KLRG1: variants seen among roughly 807,000 people sequenced by gnomAD.
KLRG1 encodes the protein killer cell lectin like receptor G1.
Under a neutral mutation model 21.8 loss-of-function variants are expected in KLRG1, and 16 were observed. The observed-to-expected ratio is 0.73, with a 90% confidence interval of 0.50 to 1.11. The LOEUF is 1.11. Among genes scored for constraint, KLRG1 ranks in the 50% most tolerant of loss-of-function variants. The pLI, the probability that KLRG1 is intolerant of heterozygous loss-of-function variation, is 0.00. For missense variants in KLRG1, 173 were observed against 218.3 expected (o/e 0.79, Z 1.31); for synonymous variants, 69 against 75.9 (o/e 0.91, Z 0.47).
At chr12:9,159,145 G>A in the KLRG1 span, among the ~76,000 whole-genome samples, 1 of 151,972 alleles carries the variant, frequency 6.6e-6, no homozygotes, top group African/African-American at 2.4e-5. Flanking sequence ...TTTTATTCTA[G>A]CATTTTTCTA....
the KLRG1 span, chr12:9,028,800 G>C: frequency 2.9e-4 from 180 of 618,288 alleles, 1 homozygote; most frequent in South Asian, 2.3e-3. Context: ...TGGGCACCTG[G>C]TCTTTGAGAA....
the KLRG1 span, among the ~76,000 whole-genome samples, chr12:9,075,445 A>G: frequency 2.6e-5 from 4 of 152,190 alleles, no homozygotes; most frequent in South Asian, 8.3e-4. Context: ...ATAGCAAAAC[A>G]TAAAAAAAAT....
chr12:9,027,841 C>T, the KLRG1 span: 1 of 1,022,348 alleles, frequency 9.8e-7, no homozygotes, highest in African/African-American at 1.6e-5. Flanking sequence ...TCTCCACTAC[C>T]AAAGTTGTCA....
chr12:8,955,924 C>G (rs1946284596), intron 1 of KLRG1, among the ~76,000 whole-genome samples: 1 of 152,016 alleles, frequency 6.6e-6, no homozygotes, highest in African/African-American at 2.4e-5. Context: ...TGCCTTTTAG[C>G]CAATCAAATG....
chr12:9,029,048 C>T, the KLRG1 span: 17 of 547,100 alleles, frequency 3.1e-5, no homozygotes, highest in East Asian at 6.6e-4. Context: ...TGAAGAGCTT[C>T]CTCCGCTGGT....
chr12:8,975,270 A>G (rs2137267464), intron 1 of KLRG1, among the ~76,000 whole-genome samples: 1 of 152,280 alleles, frequency 6.6e-6, no homozygotes, highest in Non-Finnish European at 1.5e-5. Context: ...TGTAAAATTC[A>G]TCCATGGAAC....
chr12:9,157,940 C>G, the KLRG1 span: 11 of 975,718 alleles, frequency 1.1e-5, no homozygotes, highest in Middle Eastern at 2.1e-4. Flanking sequence ...TGTTTCCATT[C>G]AAAGTATACC....
intron 1 of KLRG1, among the ~76,000 whole-genome samples, chr12:8,954,171 A>G (rs909801064): frequency 6.6e-6 from 1 of 152,204 alleles, no homozygotes; most frequent in East Asian, 1.9e-4. Context: ...GCTGAGTGAA[A>G]TAAGACACAC....
chr12:9,189,059 A>C, the KLRG1 span, among the ~76,000 whole-genome samples: 5 of 152,220 alleles, frequency 3.3e-5, no homozygotes, highest in Non-Finnish European at 5.9e-5. Flanking sequence ...TATCATGAAA[A>C]TGGTCATATT....
At position 9,010,165 on chromosome 12, in the gene KLRG1, G is replaced by T; in HGVS notation, c.*628G>T. On this transcript the variant is annotated 3_prime_UTR_variant, in exon 5 of 5. Coordinates refer to ENST00000356986, the MANE Select transcript of KLRG1 (RefSeq NM_005810.4). Reference sequence around the variant, plus strand: ...TGTGCCACTGTACTCCAGCCTGGGAGATAGAGCAAGACTCCATCTCTAAAA... The same window carrying T: ...TGTGCCACTGTACTCCAGCCTGGGATATAGAGCAAGACTCCATCTCTAAAA... The T allele has an allele frequency of 5.6e-6, 3 of 533,942 alleles. No homozygotes were observed. The highest frequency in any genetic ancestry group is 6.5e-6 in the Non-Finnish European group (2 of 307,206). 33.1% of individuals were successfully genotyped at this position (533,942 alleles called of 1,614,324 possible).
At chr12:9,134,949 C>T in the KLRG1 span, 1 of 152,966 alleles carries the variant, frequency 6.5e-6, no homozygotes, top group African/African-American at 2.4e-5. Context: ...CTGTCTGCCC[C>T]TCACACCCTT....
chr12:9,116,845 AAAAC>A, the KLRG1 span, among the ~76,000 whole-genome samples: 2 of 152,200 alleles, frequency 1.3e-5, no homozygotes, highest in African/African-American at 4.8e-5. Flanking sequence ...AACAGACAGA[AAAAC>A]AACTACTGTA....
intron 1 of KLRG1, chr12:8,970,349 C>G (rs907210203): frequency 6.6e-6 from 1 of 152,198 alleles, no homozygotes; most frequent in East Asian, 1.9e-4. Flanking sequence ...TGGCTTCTTA[C>G]AGAAAACGTT....
At chr12:9,163,749 G>A in the KLRG1 span, 1 of 1,613,792 alleles carries the variant, frequency 6.2e-7, no homozygotes, top group African/African-American at 1.3e-5. Flanking sequence ...AGAGTTCTAA[G>A]GACTGCATTG....
chr12:9,118,698 C>G, the KLRG1 span, among the ~76,000 whole-genome samples: 2 of 152,114 alleles, frequency 1.3e-5, no homozygotes, highest in African/African-American at 2.4e-5. Flanking sequence ...TCTAAGTGTC[C>G]TAGGTCACAA....
chr12:9,185,133 T>C, the KLRG1 span, among the ~76,000 whole-genome samples: 1 of 152,194 alleles, frequency 6.6e-6, no homozygotes, highest in East Asian at 1.9e-4. Context: ...ATGAAGGTCA[T>C]TGAGATTCAG....
At chr12:8,959,037 C>G (rs914501411) in intron 1 of KLRG1, among the ~76,000 whole-genome samples, 7 of 152,150 alleles carry the variant, frequency 4.6e-5, no homozygotes, top group African/African-American at 1.7e-4. Flanking sequence ...CTTCCAACCT[C>G]TCAAGTTAAA....
At chr12:9,014,292 A>C (rs1386892233), downstream of KLRG1, among the ~76,000 whole-genome samples, 3 of 152,198 alleles carry the variant, frequency 2.0e-5, no homozygotes, top group Non-Finnish European at 1.5e-5. Flanking sequence ...ACTTAACTCA[A>C]ATAAGACTAC....
intron 1 of KLRG1, among the ~76,000 whole-genome samples, chr12:8,951,510 C>A (rs1429980366): frequency 1.3e-5 from 2 of 152,190 alleles, no homozygotes; most frequent in Non-Finnish European, 1.5e-5. Flanking sequence ...ATATCCTTGA[C>A]TTTACAAATA....
Sources: allele counts gnomAD v4.1 joint callset (sites outside exome capture counted in the v4.1 genomes callset), GRCh38; gene constraint gnomAD v4.1.1; transcripts MANE v1.5; gene names NCBI Gene and HGNC (gene_info 2026-07-23, HGNC 2026-07-21).